ATXN10: variants seen among roughly 807,000 people sequenced by gnomAD.
ATXN10 encodes ataxin-10.
In ATXN10, 28 loss-of-function variants were observed where a neutral mutation model predicts 52.9. The ratio of observed to expected loss-of-function variants is 0.53; its 90% CI spans 0.39 to 0.73. The LOEUF is 0.73. ATXN10 is among the 30% of genes least tolerant of loss of function. ATXN10 has a pLI of 0.00. For synonymous variants in ATXN10, 226 were observed against 221.5 expected (o/e 1.02, Z -0.18); for missense variants, 565 against 577.0 (o/e 0.98, Z 0.21).
At chr22:45,810,693 A>G (rs2067328480) in intron 10 of ATXN10, among the ~76,000 whole-genome samples, 1 of 152,212 alleles carries the variant, frequency 6.6e-6, no homozygotes. Context: ...CTTGAACTCC[A>G]TTGCATGGAT....
At position 45,835,797 on chromosome 22, in the gene ATXN10, C is replaced by T. The variant is rs185094125; in HGVS notation, c.1238-7194C>T. Among the ~76,000 whole-genome samples the T allele has an allele frequency of 6.6e-6, 1 of 152,324 alleles. No individual in the cohort carries two copies. Among genetic ancestry groups the T allele is most frequent in the East Asian group, 1.9e-4 (1 of 5,184 alleles). ...TACTCTATATTCTTCAGATTGTAACCTATAATTTCCAAATCTGACAATTAT... is the reference window on the plus strand; with the variant it reads ...TACTCTATATTCTTCAGATTGTAACTTATAATTTCCAAATCTGACAATTAT... On this transcript the variant is annotated intron_variant, in intron 10 of 11. Transcript: ENST00000252934. The surrounding 1 kb of genome is among the most constrained non-coding windows in gnomAD (Gnocchi z 5.0).
intron 10 of ATXN10, among the ~76,000 whole-genome samples, chr22:45,831,137 T>C (rs1245460968): frequency 6.6e-6 from 1 of 152,188 alleles, no homozygotes; most frequent in African/African-American, 2.4e-5. Flanking sequence ...TTATAAGAGG[T>C]ACTTAGAGTA....
chr22:45,801,062 A>T (rs1486445526), intron 9 of ATXN10, among the ~76,000 whole-genome samples: 1 of 152,292 alleles, frequency 6.6e-6, no homozygotes, highest in Admixed American at 6.5e-5. Flanking sequence ...ACCAAAGGGG[A>T]TAGTGTGTGG....
rs1165085120 is a variant in ATXN10 at position 45,678,943 on chromosome 22, A to G, written c.116+6764A>G. ...AATTTGCTAAAAATGTATATTTGTA[A>G]TTTATATTTACAAAATAAATTTGTA... On this transcript the variant is annotated intron_variant, in intron 1 of 11. Transcript: ENST00000252934. The surrounding 1 kb of genome is among the most constrained non-coding windows in gnomAD (Gnocchi z 4.1). The G allele has an allele frequency of 6.6e-6, 1 of 152,230 alleles. No individual in the cohort carries two copies. The highest frequency in any genetic ancestry group is 1.5e-5 in the Non-Finnish European group (1 of 68,038). 9.4% of individuals were successfully genotyped at this position (152,230 alleles called of 1,614,324 possible).
chr22:45,785,678 C>T (rs957198587), intron 9 of ATXN10, among the ~76,000 whole-genome samples: 1 of 152,216 alleles, frequency 6.6e-6, no homozygotes, highest in Non-Finnish European at 1.5e-5. Flanking sequence ...GTGGCAGCGC[C>T]AGGCTTAACT....
chr22:45,797,898 GATA>G (rs962004658), intron 9 of ATXN10, among the ~76,000 whole-genome samples: 16 of 152,052 alleles, frequency 1.1e-4, no homozygotes, highest in Non-Finnish European at 2.1e-4. Context: ...ACATTAAAAA[GATA>G]ATAAGAGAAT....
Position 45,818,840 on chromosome 22 carries a change from T to C in ATXN10, c.1237+11818T>C, listed in dbSNP as rs150556635. Among the ~76,000 whole-genome samples the C allele has an allele frequency of 1.8e-3, 271 of 152,272 alleles. 2 individuals are homozygous for C. Among genetic ancestry groups the C allele is most frequent in the African/African-American group, 6.3e-3 (263 of 41,544 alleles). On this transcript the variant is annotated intron_variant, in intron 10 of 11. Transcript: ENST00000252934. The surrounding 1 kb of genome is among the most constrained non-coding windows in gnomAD (Gnocchi z 4.6). ...AAACAAAACTGTATGTGGACACTGA[T>C]TGCCTGTTCCTAAGGACCTGCTCCT...
intron 1 of ATXN10, chr22:45,674,950 A>G (rs997439819): frequency 1.3e-5 from 2 of 152,222 alleles, no homozygotes; most frequent in African/African-American, 2.4e-5. Flanking sequence ...CTTTGGAACC[A>G]TGGAGACCTG....
In ATXN10 at chr22:45,705,211, G is replaced by A. The variant is rs1210816062; in HGVS notation, c.647+2364G>A. On this transcript the variant is annotated intron_variant, in intron 5 of 11. Transcript: ENST00000252934. This position sits in a 1 kb window ranked among gnomAD's most constrained non-coding sequence, Gnocchi z 5.2. Reference sequence around the variant, plus strand: ...CTATATTCATAAGGCATATTGGTTTGTAGCTTTTTTTTCTTTTTGTGATTT... The same window carrying A: ...CTATATTCATAAGGCATATTGGTTTATAGCTTTTTTTTCTTTTTGTGATTT... 6.6e-6 allele frequency among the ~76,000 whole-genome samples: 1 copy of A among 152,032 alleles called. No individual in the cohort carries two copies. Among genetic ancestry groups the A allele is most frequent in the Non-Finnish European group, 1.5e-5 (1 of 67,990 alleles).
chr22:45,708,722 C>T lies in ATXN10; in HGVS notation c.647+5875C>T, dbSNP rs895378658. On this transcript the variant is annotated intron_variant, in intron 5 of 11. Transcript: ENST00000252934. The surrounding 1 kb of genome is among the most constrained non-coding windows in gnomAD (Gnocchi z 5.3). ...TGGTGTGATCTTGACTCACTGCAAC[C>T]TCTGCCTCCCGGGTTCAAGTGATTC... Among the ~76,000 whole-genome samples the T allele has an allele frequency of 2.6e-5, 4 of 152,204 alleles. No individual in the cohort carries two copies. The highest frequency in any genetic ancestry group is 2.6e-4 in the Admixed American group (4 of 15,286).
intron 1 of ATXN10, chr22:45,673,484 G>A (rs1258636898): frequency 6.6e-6 from 1 of 152,208 alleles, no homozygotes; most frequent in African/African-American, 2.4e-5. Flanking sequence ...CTTTGGGGGA[G>A]ATGTATTTAT....
intron 6 of ATXN10, among the ~76,000 whole-genome samples, chr22:45,725,465 T>TA (rs1924831575): frequency 6.6e-6 from 1 of 151,856 alleles, no homozygotes. Context: ...TTTCTCAGCT[T>TA]AGTTATTGTT....
intron 9 of ATXN10, 183 bp downstream of exon 9, chr22:45,740,721 T>TAG: frequency 2.7e-6 from 1 of 365,082 alleles, no homozygotes; most frequent in Non-Finnish European, 4.8e-6. Flanking sequence ...CACACACACA[T>TAG]ATATATACAC....
intron 1 of ATXN10, chr22:45,674,748 A>G (rs1252184209): frequency 6.6e-6 from 1 of 152,258 alleles, no homozygotes; most frequent in Non-Finnish European, 1.5e-5. Context: ...AAGCAAAAAC[A>G]GTGAGGAAAG....
At chr22:45,808,504 C>T (rs1928177106) in intron 10 of ATXN10, among the ~76,000 whole-genome samples, 1 of 152,190 alleles carries the variant, frequency 6.6e-6, no homozygotes, top group Non-Finnish European at 1.5e-5. Context: ...GTCCTCCTTG[C>T]CAGATGGCCA....
chr22:45,688,905 A>G lies in ATXN10; in HGVS notation c.117-807A>G, dbSNP rs905951640. 2.0e-4 allele frequency among the ~76,000 whole-genome samples: 31 copies of G among 152,220 alleles called. No individual in the cohort carries two copies. Among genetic ancestry groups the G allele is most frequent in the African/African-American group, 5.8e-4 (24 of 41,458 alleles). On this transcript the variant is annotated intron_variant, in intron 1 of 11. Transcript: ENST00000252934. The surrounding 1 kb of genome is among the most constrained non-coding windows in gnomAD (Gnocchi z 4.0). ...GGAAGTTGGCTTGCATTTAGGTGCA[A>G]TGTTGCACAAAAAATTCTTATCTTT...
rs1052069294 is a variant in ATXN10, at chr22:45,744,833, A to G, written c.1173+4295A>G. The G allele has an allele frequency of 6.6e-6, 1 of 152,244 alleles. No individual in the cohort carries two copies. The highest frequency in any genetic ancestry group is 1.5e-5 in the Non-Finnish European group (1 of 68,040). 9.4% of individuals were successfully genotyped at this position (152,244 alleles called of 1,614,324 possible). On this transcript the variant is annotated intron_variant, in intron 9 of 11. Transcript: ENST00000252934. This position sits in a 1 kb window ranked among gnomAD's most constrained non-coding sequence, Gnocchi z 4.9. ...AGAGAATCAAGGTACGTTGCCTCAG[A>G]TTGAAAATCTGCACAGAAATGTATT...
intron 2 of ATXN10, among the ~76,000 whole-genome samples, chr22:45,691,535 C>A (rs1923375640): frequency 6.6e-6 from 1 of 152,238 alleles, no homozygotes; most frequent in African/African-American, 2.4e-5. Context: ...CTCTCCATAT[C>A]CAGACATCTG....
rs1008188246 is a variant in ATXN10 at position 45,672,292 on chromosome 22, C to T, written c.116+113C>T. The T allele has an allele frequency of 8.9e-6, 10 of 1,129,088 alleles. No individual in the cohort carries two copies. In the African/African-American group the frequency reaches 1.2e-4, roughly 13 times the overall value. 69.9% of individuals were successfully genotyped at this position (1,129,088 alleles called of 1,614,324 possible). On this transcript the variant is annotated intron_variant, in intron 1 of 11. Transcript: ENST00000252934. ...CCCGCCTCGCTGGAGACGCGGAGGGCGAGGCCTGCGCGGGCTGCCTGAGCG... is the reference window on the plus strand; with the variant it reads ...CCCGCCTCGCTGGAGACGCGGAGGGTGAGGCCTGCGCGGGCTGCCTGAGCG...
Sources: allele counts gnomAD v4.1 joint callset (sites outside exome capture counted in the v4.1 genomes callset), GRCh38; gene constraint gnomAD v4.1.1; non-coding constraint Gnocchi (gnomAD v3.1); transcripts MANE v1.5; gene names NCBI Gene and HGNC (gene_info 2026-07-23, HGNC 2026-07-21).